The following PC variants were observed in gnomAD, a reference collection of about 807,000 sequenced individuals.
PC encodes pyruvate carboxylase.
In PC, 46 loss-of-function variants were observed where a neutral mutation model predicts 107.8. That is an observed-to-expected ratio of 0.43 (90% confidence interval 0.34 to 0.55). PC has a LOEUF of 0.55. Among genes scored for constraint, PC ranks in the 20% least tolerant of loss-of-function variants. The probability of loss-of-function intolerance (pLI) is 0.04; values close to 1 mark genes in which losing one functional copy is unlikely to be tolerated. For missense variants in PC, 1,241 were observed against 1,643.1 expected, an observed-to-expected ratio of 0.76 and a Z score of 4.23; for synonymous variants, 662 against 684.7, an observed-to-expected ratio of 0.97 and a Z score of 0.52.
intron 1 of PC, among the ~76,000 whole-genome samples, chr11:66,956,712 C>T (rs1949569056): frequency 6.6e-6 from 1 of 152,222 alleles, no homozygotes; most frequent in Non-Finnish European, 1.5e-5. Context: ...TCACCTCCTC[C>T]ACGAAGCCTT....
chr11:66,875,602 C>T (rs1297543612), intron 3 of PC, among the ~76,000 whole-genome samples: 3 of 151,970 alleles, frequency 2.0e-5, no homozygotes, highest in African/African-American at 4.8e-5. Flanking sequence ...GAGGGAGGGA[C>T]GCACGGGTCG....
chr11:66,861,387 A>G (rs1946248319), intron 12 of PC, among the ~76,000 whole-genome samples: 1 of 152,222 alleles, frequency 6.6e-6, no homozygotes, highest in Non-Finnish European at 1.5e-5. Context: ...AACACGCTGC[A>G]CAGACTCCCT....
rs975729319 is a variant in PC, at chr11:66,857,468, T to G, written c.1369-4085A>C. ...GGAAGTTCCGGGACCCTCCCTGCTCTCGGTCCTCCTCCGCTTCCTGCCTCA... is the reference window on the plus strand; with the variant it reads ...GGAAGTTCCGGGACCCTCCCTGCTCGCGGTCCTCCTCCGCTTCCTGCCTCA... On this transcript the variant is annotated intron_variant, in intron 12 of 22. Transcript: ENST00000393960. The surrounding 1 kb of genome is among the most constrained non-coding windows in gnomAD (Gnocchi z 7.1). 4.8e-6 allele frequency: 2 copies of G among 418,578 alleles called. No individual in the cohort carries two copies. Among genetic ancestry groups the G allele is most frequent in the African/African-American group, 4.1e-5 (2 of 48,772 alleles). 25.9% of individuals were successfully genotyped at this position (418,578 alleles called of 1,614,324 possible).
intron 3 of PC, among the ~76,000 whole-genome samples, chr11:66,926,820 G>C (rs1948727210): frequency 7.5e-6 from 1 of 133,230 alleles, no homozygotes; most frequent in Non-Finnish European, 1.5e-5. Context: ...GTGACCTTTT[G>C]TGTCTGGCTT....
At position 66,931,384 on chromosome 11, in the gene PC, G is replaced by GA. The variant is rs60081578; in HGVS notation, c.-1+21045dup. On this transcript the variant is annotated intron_variant, in intron 3 of 22. Transcript: ENST00000393960. ...GCAGAGTGGCAAGATTCCATCTCAA[G>GA]AAAAAAAAAAAAAAAAAAAAAAGGA... is the stretch of plus-strand genomic sequence containing the variant. 3.8e-3 allele frequency among the ~76,000 whole-genome samples: 327 copies of GA among 84,954 alleles called. 5 individuals carry two copies. Among genetic ancestry groups the GA allele is most frequent in the East Asian group, 0.016 (49 of 2,988 alleles). The allele number at this position is 84,954 out of a possible 152,430, so 55.7% of individuals were successfully genotyped here.
At chr11:66,872,243 C>T in intron 3 of PC, 84 bp from the exon 4 acceptor site, 1 of 1,452,906 alleles carries the variant, frequency 6.9e-7, no homozygotes, top group South Asian at 1.2e-5. Context: ...CCCAACCCCA[C>T]AGTGGCCCCA....
chr11:66,859,272 G>A (rs908882454), intron 12 of PC, among the ~76,000 whole-genome samples: 1 of 152,158 alleles, frequency 6.6e-6, no homozygotes, highest in Admixed American at 6.5e-5. Flanking sequence ...TGAGGGGGCT[G>A]GAGCTCAAGG....
chr11:66,882,401 C>T (rs567377754), intron 3 of PC, among the ~76,000 whole-genome samples: 61 of 152,176 alleles, frequency 4.0e-4, no homozygotes, highest in Non-Finnish European at 8.4e-4. Flanking sequence ...GGCAAGAGGC[C>T]GCAGAGGAAG....
chr11:66,935,111 A>G (rs1368266455), intron 3 of PC, among the ~76,000 whole-genome samples: 1 of 152,242 alleles, frequency 6.6e-6, no homozygotes, highest in Admixed American at 6.5e-5. Context: ...TCCAGTAAGG[A>G]GCTGTGCATA....
intron 12 of PC, among the ~76,000 whole-genome samples, chr11:66,863,159 T>C (rs1368634963): frequency 6.6e-6 from 1 of 152,070 alleles, no homozygotes; most frequent in Middle Eastern, 3.4e-3. Flanking sequence ...CTGGCCAATG[T>C]GATAAAACCC....
At chr11:66,909,555 A>T (rs1565280517) in intron 3 of PC, among the ~76,000 whole-genome samples, 1 of 152,132 alleles carries the variant, frequency 6.6e-6, no homozygotes. Context: ...CATCACCACC[A>T]CGTGTCCTAT....
chr11:66,863,288 C>T lies in PC; in HGVS notation c.1368+486G>A, dbSNP rs546406961. On this transcript the variant is annotated intron_variant, in intron 12 of 22. Coordinates refer to ENST00000393960, the MANE Select transcript of PC (RefSeq NM_001040716.2). ...CCAGGAGGCAGAGCTTGCAGTGAGC[C>T]GAGATCGCGCCACTGCACTCCAGCC... 1.2e-4 allele frequency among the ~76,000 whole-genome samples: 18 copies of T among 152,206 alleles called. 1 individual carries two copies. The highest frequency in any genetic ancestry group is 7.2e-4 in the Admixed American group (11 of 15,286).
At position 66,849,189 on chromosome 11, in the gene PC, G is replaced by A. The variant is rs1032917874; in HGVS notation, c.3288+41C>T. ...GAGGGGACATGACATCCTGGGCCCA[G>A]CCAAGCCCCACCGCCTGGCTGGCCC... is the stretch of plus-strand genomic sequence containing the variant. On this transcript the variant is annotated intron_variant, in intron 22 of 22. Transcript: ENST00000393960. The A allele has an allele frequency of 4.5e-5, 73 of 1,613,528 alleles. 1 individual carries two copies. Among genetic ancestry groups the A allele is most frequent in the Middle Eastern group, 1.6e-4 (1 of 6,084 alleles).
At chr11:66,896,032 A>C (rs1487402211) in intron 3 of PC, among the ~76,000 whole-genome samples, 2 of 152,232 alleles carry the variant, frequency 1.3e-5, no homozygotes, top group Admixed American at 6.5e-5. Flanking sequence ...AAAAGTGCAA[A>C]GCAATCCTTC....
At chr11:66,882,841 AC>A (rs1475903548) in intron 3 of PC, among the ~76,000 whole-genome samples, 2 of 152,216 alleles carry the variant, frequency 1.3e-5, no homozygotes, top group East Asian at 1.9e-4. Flanking sequence ...AGATGAAAGA[AC>A]GACTCCACCT....
chr11:66,872,036 C>A lies in PC; in HGVS notation c.124G>T (p.Val42Leu). Residue 42 changes from valine to leucine, a missense_variant, in exon 4 of 23, where the codon GTG becomes TTG. Val to Leu is a conservative substitution (Grantham distance 32). Around this residue, in one of 2 missense-constraint regions of PC, gnomAD observed 1,143 missense variants for 1,551.9 expected, o/e 0.74. Transcript: ENST00000393960. ...CACTGGTGCTCACCTCTGTTGGCCA[C>A]CATGACTTTCTTGATGGGCTTATAC... ...LEYKPIKKVMVANRGEIAIRV... is the reference protein window; with the variant it reads ...LEYKPIKKVMLANRGEIAIRV... The A allele has an allele frequency of 6.4e-7, 1 of 1,561,396 alleles. No homozygotes were observed. Among genetic ancestry groups the A allele is most frequent in the Non-Finnish European group, 8.7e-7 (1 of 1,152,634 alleles).
At chr11:66,877,640 C>A (rs183732515) in intron 3 of PC, among the ~76,000 whole-genome samples, 331 of 152,268 alleles carry the variant, frequency 2.2e-3, no homozygotes, top group African/African-American at 7.4e-3. Context: ...CCAAGATGTA[C>A]GCAGAAAGAT....
rs377146068 is a variant in PC, at chr11:66,937,680, C to T, written c.-1+14750G>A. On this transcript the variant is annotated intron_variant, in intron 3 of 22. Transcript: ENST00000393960. ...TCTCAAGGTACCATCTTCAAGCTTGCTGATTTTTTTCTGCCTGCTCAAATC... is the reference window on the plus strand; with the variant it reads ...TCTCAAGGTACCATCTTCAAGCTTGTTGATTTTTTTCTGCCTGCTCAAATC... 1.4e-4 allele frequency among the ~76,000 whole-genome samples: 22 copies of T among 152,080 alleles called. No homozygotes were observed. The East Asian group carries it at 3.7e-3, about 25-fold the overall frequency.
chr11:66,849,408 A>G, intron 21 of PC, 38 bp from the exon 22 acceptor site: 1 of 1,610,772 alleles, frequency 6.2e-7, no homozygotes. Flanking sequence ...CTGGACGCCA[A>G]GGTGGGAGAG....
Sources: gnomAD v4.1 joint callset for allele counts (sites outside exome capture counted in the v4.1 genomes callset) on GRCh38, gnomAD v4.1.1 for gene constraint, gnomAD v4.1.1 regional missense constraint, Gnocchi (gnomAD v3.1) non-coding constraint, MANE v1.5 for transcripts, NCBI Gene and HGNC (gene_info 2026-07-23, HGNC 2026-07-21) for gene names.